Variants in ETFA observed in about 807,000 individuals in gnomAD.
ETFA encodes the protein electron transfer flavoprotein subunit alpha, mitochondrial.
A neutral mutation model predicts 46.2 loss-of-function variants in ETFA; 22 were observed. That is an observed-to-expected ratio of 0.48 (90% CI 0.34 to 0.68). ETFA has a LOEUF of 0.68. Ranked by LOEUF, ETFA falls within the 30% of genes least tolerant of loss-of-function variation. The probability of loss-of-function intolerance (pLI) is 0.01; values close to 1 mark genes in which losing one functional copy is unlikely to be tolerated. For missense variants in ETFA, 345 were observed against 401.1 expected, an observed-to-expected ratio of 0.86 and a Z score of 1.19; for synonymous variants, 131 against 139.9, an observed-to-expected ratio of 0.94 and a Z score of 0.45.
chr15:76,255,409 A>C (rs1054109397), intron 9 of ETFA, among the ~76,000 whole-genome samples: 2 of 152,236 alleles, frequency 1.3e-5, no homozygotes, highest in African/African-American at 4.8e-5. Flanking sequence ...AAGAATCTTA[A>C]GTTATCATAT....
intron 11 of ETFA, among the ~76,000 whole-genome samples, chr15:76,224,094 G>C (rs1439265464): frequency 6.6e-6 from 1 of 152,072 alleles, no homozygotes; most frequent in African/African-American, 2.4e-5. Flanking sequence ...ATTTAATTTT[G>C]CTTTTAAATA....
Position 76,292,610 on chromosome 15 carries a change from A to T in ETFA, c.268+9T>A. On this transcript the variant is annotated intron_variant, in intron 3 of 11. Transcript: ENST00000557943. The stretch of plus-strand genomic sequence containing the variant: ...AGACACTACATTTTTTTCTACTGGA[A>T]AACCTCACCTGGAAGTAGGCCTTTG... 6.2e-7 allele frequency: 1 copy of T among 1,611,072 alleles called. No homozygotes were observed. The highest frequency in any genetic ancestry group is 8.5e-7 in the Non-Finnish European group (1 of 1,177,188).
chr15:76,298,405 C>A (rs760781141), intron 1 of ETFA, among the ~76,000 whole-genome samples: 3 of 152,166 alleles, frequency 2.0e-5, no homozygotes, highest in Non-Finnish European at 2.9e-5. Flanking sequence ...CAGGAGCCAC[C>A]ACATGGGATA....
At chr15:76,251,120 G>A (rs1329295190) in intron 9 of ETFA, among the ~76,000 whole-genome samples, 1 of 152,100 alleles carries the variant, frequency 6.6e-6, no homozygotes, top group Non-Finnish European at 1.5e-5. Flanking sequence ...AGGTAATGAG[G>A]AAAAGAAGCT....
chr15:76,279,997 C>G (rs1340547241), intron 8 of ETFA, among the ~76,000 whole-genome samples: 2 of 151,526 alleles, frequency 1.3e-5, no homozygotes, highest in Non-Finnish European at 2.9e-5. Flanking sequence ...CTCCTGGGCT[C>G]AAGAGATCCT....
chr15:76,259,746 C>T, intron 9 of ETFA: 4 of 1,587,896 alleles, frequency 2.5e-6, no homozygotes, highest in Non-Finnish European at 3.4e-6. Flanking sequence ...TTCCGAGCGG[C>T]CAGGTCTCGG....
intron 10 of ETFA, 98 bp downstream of exon 10, chr15:76,231,235 C>T: frequency 1.2e-6 from 1 of 805,586 alleles, no homozygotes; most frequent in Non-Finnish European, 2.2e-6. Context: ...GTGTGAATGG[C>T]TTGACTACAT....
At chr15:76,220,962 A>C (rs1439869217) in intron 11 of ETFA, among the ~76,000 whole-genome samples, 1 of 152,210 alleles carries the variant, frequency 6.6e-6, no homozygotes, top group African/African-American at 2.4e-5. Context: ...TGACCCAGCA[A>C]TTCCATTCCT....
At chr15:76,286,256 G>T in intron 6 of ETFA, 115 bp downstream of exon 6, 1 of 619,430 alleles carries the variant, frequency 1.6e-6, no homozygotes, top group Admixed American at 3.1e-5. Flanking sequence ...CATTTAAATT[G>T]AACTTTCAAA....
chr15:76,224,981 C>T (rs1315880343), intron 11 of ETFA, among the ~76,000 whole-genome samples: 1 of 152,008 alleles, frequency 6.6e-6, no homozygotes, highest in Non-Finnish European at 1.5e-5. Context: ...AGAGAAGGAA[C>T]ACTCAAAAGT....
chr15:76,295,628 T>C lies in ETFA; in HGVS notation c.149A>G (p.Glu50Gly). ...GGTTCCAGCTACTAAGCAGGACACT[T>C]CACCTCCAAGGCGTGTGGCTGCAGT... ...TITAATRLGG[E>G]VSCLVAGTKC... The change falls in exon 2 of 12, where the codon GAA becomes GGA. Residue 50 changes from glutamate (E) to glycine (G), a missense_variant. Transcript: ENST00000557943. 1 of 1,613,924 alleles carries C rather than the reference T, an allele frequency of 6.2e-7. No homozygotes were observed.
chr15:76,270,618 A>G (rs1226339042), intron 9 of ETFA, among the ~76,000 whole-genome samples: 1 of 152,200 alleles, frequency 6.6e-6, no homozygotes, highest in Non-Finnish European at 1.5e-5. Flanking sequence ...AGCAAAAGGA[A>G]CCAGGATTCC....
chr15:76,281,891 C>T (rs12898415), intron 8 of ETFA, among the ~76,000 whole-genome samples: 57,357 of 138,364 alleles, frequency 0.41, 14,117 homozygotes, highest in Middle Eastern at 0.57. Flanking sequence ...TGCCATTACA[C>T]GTATCCTTTT....
chr15:76,274,161 A>G, intron 9 of ETFA: 1 of 487,418 alleles, frequency 2.1e-6, no homozygotes, highest in Non-Finnish European at 3.7e-6. Context: ...ATTTGATGTA[A>G]TATGACTTAA....
At chr15:76,281,336 GCTAT>G (rs2039648478) in intron 8 of ETFA, among the ~76,000 whole-genome samples, 1 of 151,914 alleles carries the variant, frequency 6.6e-6, no homozygotes, top group Non-Finnish European at 1.5e-5. Context: ...GCCAAATCTG[GCTAT>G]CTTATTTTAA....
intron 8 of ETFA, among the ~76,000 whole-genome samples, chr15:76,278,052 A>T (rs1412961347): frequency 6.6e-6 from 1 of 152,134 alleles, no homozygotes; most frequent in Non-Finnish European, 1.5e-5. Flanking sequence ...TGTTGTTAGG[A>T]CAGAATAGTG....
intron 2 of ETFA, among the ~76,000 whole-genome samples, chr15:76,294,775 C>T (rs2039801211): frequency 6.6e-6 from 1 of 152,182 alleles, no homozygotes; most frequent in African/African-American, 2.4e-5. Context: ...TCTCAAACAC[C>T]TGACCTCAAG....
chr15:76,247,003 A>G (rs2039249315), intron 9 of ETFA, among the ~76,000 whole-genome samples: 1 of 152,204 alleles, frequency 6.6e-6, no homozygotes, highest in Non-Finnish European at 1.5e-5. Context: ...ACATACTTTT[A>G]TAACAAAAAT....
chr15:76,300,327 C>A (rs60261704), intron 1 of ETFA, among the ~76,000 whole-genome samples: 14,391 of 152,112 alleles, frequency 0.095, 831 homozygotes, highest in Middle Eastern at 0.15. Context: ...TCCCTCTGTT[C>A]CTCCAGCCCC....
Sources: allele counts gnomAD v4.1 joint callset (sites outside exome capture counted in the v4.1 genomes callset), GRCh38; gene constraint gnomAD v4.1.1; transcripts MANE v1.5; gene names NCBI Gene and HGNC (gene_info 2026-07-23, HGNC 2026-07-21).